USH2A: variants seen among roughly 807,000 people sequenced by gnomAD.
USH2A encodes Usher syndrome 2A (autosomal recessive, mild).
In USH2A, 443 loss-of-function variants were observed where a neutral mutation model predicts 538.9. That is an observed-to-expected ratio of 0.82 (90% CI 0.76 to 0.89). The LOEUF is 0.89. Ranked by LOEUF, USH2A falls within the 40% of genes least tolerant of loss-of-function variation. USH2A has a pLI of 0.00. For missense variants in USH2A, 6,633 were observed against 6,324.8 expected (o/e 1.05, Z -1.65); for synonymous variants, 2,413 against 2,273.5 (o/e 1.06, Z -1.75).
intron 43 of USH2A, among the ~76,000 whole-genome samples, chr1:215,872,451 T>A (rs1403392025): frequency 6.6e-6 from 1 of 152,188 alleles, no homozygotes; most frequent in Non-Finnish European, 1.5e-5. Context: ...GCTATCTATA[T>A]CTACACTACC....
chr1:216,262,654 T>C (rs700022), intron 11 of USH2A, among the ~76,000 whole-genome samples: 99,800 of 151,892 alleles, frequency 0.66, 32,920 homozygotes, highest in East Asian at 0.72. Context: ...TAATAAAAAC[T>C]TATTAATGAA....
chr1:216,405,438 T>G (rs1343558334), intron 3 of USH2A, among the ~76,000 whole-genome samples: 1 of 152,166 alleles, frequency 6.6e-6, no homozygotes, highest in Non-Finnish European at 1.5e-5. Flanking sequence ...GAAAATATGC[T>G]GAACACCATT....
chr1:216,418,506 T>G lies in USH2A; in HGVS notation c.651+8A>C, dbSNP rs1236831129. On this transcript the variant is annotated splice_region_variant and intron_variant, in intron 3 of 71. Coordinates refer to ENST00000307340, the MANE Select transcript of USH2A (RefSeq NM_206933.4). Reference sequence around the variant, plus strand: ...AACCAAATGTTAAATATTTTTTATTTTACTCACCTGCACACTAAGATGAAT... The same window carrying G: ...AACCAAATGTTAAATATTTTTTATTGTACTCACCTGCACACTAAGATGAAT... The G allele has an allele frequency of 6.2e-7, 1 of 1,612,406 alleles. No individual in the cohort carries two copies. The highest frequency in any genetic ancestry group is 2.2e-5 in the East Asian group (1 of 44,794).
At chr1:216,311,378 C>T (rs1263382031) in intron 9 of USH2A, among the ~76,000 whole-genome samples, 2 of 152,124 alleles carry the variant, frequency 1.3e-5, no homozygotes, top group African/African-American at 2.4e-5. Context: ...GGAAAATCTT[C>T]TGCATATTTG....
At chr1:215,823,138 T>C in intron 47 of USH2A, among the ~76,000 whole-genome samples, 1 of 152,022 alleles carries the variant, frequency 6.6e-6, no homozygotes, top group Admixed American at 6.6e-5. Context: ...ATCAGTGGGT[T>C]TACTTTCAAA....
At chr1:216,110,089 C>CA (rs2032830871) in intron 21 of USH2A, among the ~76,000 whole-genome samples, 1 of 152,098 alleles carries the variant, frequency 6.6e-6, no homozygotes, top group African/African-American at 2.4e-5. Context: ...CTTTCAATAA[C>CA]AAGGTTAACA....
At chr1:215,675,709 C>T (rs912973810) in intron 62 of USH2A, 93 bp from the exon 63 acceptor site, 8 of 1,598,674 alleles carry the variant, frequency 5.0e-6, no homozygotes, top group Non-Finnish European at 6.8e-6. Flanking sequence ...CCCCTTGTTC[C>T]TTATTTTGAT....
At chr1:216,152,609 C>T (rs548705568) in intron 21 of USH2A, among the ~76,000 whole-genome samples, 8 of 152,270 alleles carry the variant, frequency 5.3e-5, no homozygotes, top group Middle Eastern at 3.4e-3. Flanking sequence ...AGACTCAGCC[C>T]GCCTGCACCC....
intron 29 of USH2A, chr1:216,072,663 G>C (rs2031594418): frequency 1.8e-6 from 1 of 570,218 alleles, no homozygotes; most frequent in Admixed American, 2.9e-5. Context: ...ATCCTAAGAG[G>C]AAAGGATCAA....
At chr1:215,679,725 C>T (rs1460267942) in intron 62 of USH2A, among the ~76,000 whole-genome samples, 3 of 152,160 alleles carry the variant, frequency 2.0e-5, no homozygotes, top group Non-Finnish European at 4.4e-5. Context: ...ATAAATTAGG[C>T]AAGTCTTAAG....
chr1:216,208,437 CATCAAATAATTA>C (rs2035167677), intron 15 of USH2A, among the ~76,000 whole-genome samples: 1 of 151,926 alleles, frequency 6.6e-6, no homozygotes. Flanking sequence ...GAAAAGAATC[CATCAAATAATTA>C]ATATTTTTAT....
At position 215,836,560 on chromosome 1, in the gene USH2A, TATATA is replaced by T. The variant is rs1558120368; in HGVS notation, c.9371+1426_9371+1430del. Among the ~76,000 whole-genome samples, 15 of 22,456 alleles carry T rather than the reference TATATA, an allele frequency of 6.7e-4. 3 individuals carry two copies. Among genetic ancestry groups the T allele is most frequent in the African/African-American group, 1.8e-3 (12 of 6,854 alleles). 14.7% of individuals were successfully genotyped at this position (22,456 alleles called of 152,430 possible). On this transcript the variant is annotated intron_variant, in intron 47 of 71. Coordinates refer to ENST00000307340, the MANE Select transcript of USH2A (RefSeq NM_206933.4). ...TATATATAATATATATATATATATA[TATATA>T]TTTTTTTTTGAGACAGAGTATCACT...
intron 4 of USH2A, among the ~76,000 whole-genome samples, chr1:216,358,681 A>C (rs1558053172): frequency 6.6e-6 from 1 of 152,132 alleles, no homozygotes; most frequent in Admixed American, 6.6e-5. Context: ...AATAAAGATA[A>C]AAATTATTTA....
intron 38 of USH2A, among the ~76,000 whole-genome samples, chr1:215,918,978 A>G (rs1375044627): frequency 2.6e-5 from 4 of 152,082 alleles, no homozygotes; most frequent in Admixed American, 6.6e-5. Flanking sequence ...GTCTAAAACA[A>G]ATGTATTCAT....
At chr1:215,662,932 A>C (rs1282331601) in intron 64 of USH2A, among the ~76,000 whole-genome samples, 1 of 152,246 alleles carries the variant, frequency 6.6e-6, no homozygotes, top group Admixed American at 6.5e-5. Context: ...AGATGGGGTA[A>C]GGGTGACAGC....
At position 215,999,019 on chromosome 1, in the gene USH2A, G is replaced by A. The variant is rs999996263; in HGVS notation, c.6525C>T (p.Arg2175=). ...QPRKISGILE[R]YVLYMSNHTH... is the part of the protein sequence containing the mutation. Reference sequence around the variant, plus strand: ...TATGGTTTGACATATATAATACATAGCGTTCCAGAATCCCACTTATTTTTC... The same window carrying A: ...TATGGTTTGACATATATAATACATAACGTTCCAGAATCCCACTTATTTTTC... The change falls in exon 34 of 72, where the codon CGC becomes CGT. Residue 2175 remains arginine (R), a synonymous_variant. Transcript: ENST00000307340. 2 of 1,612,278 alleles carry A rather than the reference G, an allele frequency of 1.2e-6. No homozygotes were observed. Among genetic ancestry groups the A allele is most frequent in the Non-Finnish European group, 1.7e-6 (2 of 1,178,880 alleles).
intron 49 of USH2A, among the ~76,000 whole-genome samples, chr1:215,807,460 T>C (rs1312767402): frequency 6.6e-6 from 1 of 152,092 alleles, no homozygotes; most frequent in African/African-American, 2.4e-5. Flanking sequence ...ACTTGAAAAA[T>C]TGATTCCCTC....
chr1:216,373,595 G>T (rs2038757068), intron 3 of USH2A, among the ~76,000 whole-genome samples: 1 of 152,132 alleles, frequency 6.6e-6, no homozygotes, highest in Admixed American at 6.5e-5. Context: ...ACCGCAACGT[G>T]TATTTGCTAC....
chr1:215,720,101 G>A (rs915723863), intron 61 of USH2A, among the ~76,000 whole-genome samples: 4 of 152,070 alleles, frequency 2.6e-5, no homozygotes, highest in African/African-American at 9.7e-5. Flanking sequence ...ATGACTTATG[G>A]AAAAAACAGA....
Sources: allele counts gnomAD v4.1 joint callset (sites outside exome capture counted in the v4.1 genomes callset), GRCh38; gene constraint gnomAD v4.1.1; transcripts MANE v1.5; gene names NCBI Gene and HGNC (gene_info 2026-07-23, HGNC 2026-07-21).